Variants in GTF2I observed in about 807,000 individuals in gnomAD.
GTF2I encodes general transcription factor II-I.
In GTF2I, 12 loss-of-function variants were observed where a neutral mutation model predicts 67.6. The ratio of observed to expected loss-of-function variants is 0.18; its 90% CI spans 0.11 to 0.29. GTF2I has a LOEUF of 0.29. Among genes scored for constraint, GTF2I ranks in the 10% least tolerant of loss-of-function variants. The pLI, the probability that GTF2I is intolerant of heterozygous loss-of-function variation, is 1.00. For synonymous variants in GTF2I, 149 were observed against 197.0 expected, an observed-to-expected ratio of 0.76 and a Z score of 2.04; for missense variants, 271 against 580.1, an observed-to-expected ratio of 0.47 and a Z score of 5.47.
intron 11 of GTF2I, among the ~76,000 whole-genome samples, chr7:74,717,833 T>C (rs1240712365): frequency 1.3e-5 from 2 of 152,218 alleles, no homozygotes; most frequent in Non-Finnish European, 2.9e-5. Context: ...AATTCAATTA[T>C]AGAATTAGGG....
intron 3 of GTF2I, among the ~76,000 whole-genome samples, chr7:74,695,069 C>A (rs1315033102): frequency 6.6e-6 from 1 of 152,214 alleles, no homozygotes; most frequent in Non-Finnish European, 1.5e-5. Context: ...TGACTGCTCA[C>A]AGTCACTCAC....
At chr7:74,747,759 T>C (rs1278826577) in intron 23 of GTF2I, among the ~76,000 whole-genome samples, 1 of 31,430 alleles carries the variant, frequency 3.2e-5, no homozygotes, top group African/African-American at 1.2e-4. Context: ...GCCATTGCAC[T>C]CCAGCCTGGG....
At chr7:74,708,014 T>C (rs182790428) in intron 8 of GTF2I, among the ~76,000 whole-genome samples, 116 of 152,198 alleles carry the variant, frequency 7.6e-4, no homozygotes, top group African/African-American at 2.7e-3. Flanking sequence ...ATGTAAAGAT[T>C]GTTGGCCGGG....
chr7:74,681,719 C>T (rs1275317896), intron 1 of GTF2I, among the ~76,000 whole-genome samples: 1 of 152,160 alleles, frequency 6.6e-6, no homozygotes, highest in Non-Finnish European at 1.5e-5. Context: ...CGAGACCAGC[C>T]TGGCCAACAT....
chr7:74,685,589 A>C (rs1300702289), intron 1 of GTF2I, among the ~76,000 whole-genome samples: 1 of 152,180 alleles, frequency 6.6e-6, no homozygotes, highest in Admixed American at 6.5e-5. Flanking sequence ...CAACATGGCG[A>C]AACTCCATCT....
intron 14 of GTF2I, 123 bp from the exon 15 acceptor site, chr7:74,732,356 A>G: frequency 8.3e-7 from 1 of 1,209,174 alleles, no homozygotes; most frequent in Non-Finnish European, 1.1e-6. Flanking sequence ...CCTGGGAGAC[A>G]CAGCAAGACT....
chr7:74,659,780 T>C (rs1804305190), intron 1 of GTF2I, among the ~76,000 whole-genome samples: 1 of 152,164 alleles, frequency 6.6e-6, no homozygotes, highest in African/African-American at 2.4e-5. Context: ...TGGACTCTGG[T>C]GATCCTCCCG....
chr7:74,666,272 ATC>A (rs1359976524), intron 1 of GTF2I, among the ~76,000 whole-genome samples: 1 of 152,190 alleles, frequency 6.6e-6, no homozygotes, highest in African/African-American at 2.4e-5. Context: ...GTAGAATTTT[ATC>A]TAGATTGAGT....
intron 19 of GTF2I, among the ~76,000 whole-genome samples, chr7:74,739,061 C>T (rs1795015638): frequency 3.2e-5 from 1 of 31,286 alleles, no homozygotes; most frequent in African/African-American, 7.7e-5. Flanking sequence ...GACGGAGCCT[C>T]ACTCTGTCAT....
intron 1 of GTF2I, among the ~76,000 whole-genome samples, chr7:74,666,122 C>T (rs1358642258): frequency 2.0e-5 from 3 of 152,148 alleles, no homozygotes; most frequent in Non-Finnish European, 2.9e-5. Flanking sequence ...GGATTACAGA[C>T]GTGATCCACC....
chr7:74,660,309 T>C (rs1397613491), intron 1 of GTF2I, among the ~76,000 whole-genome samples: 2 of 145,832 alleles, frequency 1.4e-5, no homozygotes, highest in African/African-American at 5.1e-5. Flanking sequence ...CCTGCCTCAG[T>C]CTCCCCCGAG....
chr7:74,705,619 G>A (rs782648191), intron 7 of GTF2I, among the ~76,000 whole-genome samples: 7 of 150,566 alleles, frequency 4.6e-5, no homozygotes, highest in Non-Finnish European at 8.8e-5. Context: ...GTGAAGTGGC[G>A]CGATCTCGGC....
Position 74,723,123 on chromosome 7 carries a change from G to GTTT in GTF2I, c.943+4198_943+4200dup, listed in dbSNP as rs71098008. On this transcript the variant is annotated intron_variant, in intron 12 of 34. Transcript: ENST00000573035. ...ACATTGTATGTACCAGGTGCTAAGA[G>GTTT]TTTTTTTTTTTTTTTTTTGAGACGG... 2.7e-4 allele frequency among the ~76,000 whole-genome samples: 36 copies of GTTT among 132,174 alleles called. 1 individual carries two copies. The highest frequency in any genetic ancestry group is 4.8e-4 in the South Asian group (2 of 4,204). 86.7% of individuals were successfully genotyped at this position (132,174 alleles called of 152,430 possible).
intron 1 of GTF2I, among the ~76,000 whole-genome samples, chr7:74,668,747 T>C (rs1215286730): frequency 6.6e-6 from 1 of 151,592 alleles, no homozygotes; most frequent in Non-Finnish European, 1.5e-5. Context: ...CTAATTTTTG[T>C]ATTTTTAGAA....
At chr7:74,725,710 A>G (rs587640334) in intron 12 of GTF2I, among the ~76,000 whole-genome samples, 6 of 152,168 alleles carry the variant, frequency 3.9e-5, no homozygotes, top group Admixed American at 2.6e-4. Context: ...TCATCTCTAT[A>G]TATGTTCACA....
chr7:74,678,688 A>G (rs1786923194), intron 1 of GTF2I, among the ~76,000 whole-genome samples: 1 of 152,094 alleles, frequency 6.6e-6, no homozygotes, highest in Non-Finnish European at 1.5e-5. Context: ...TTGTTAAAGG[A>G]GATAGTTTGC....
chr7:74,680,079 CAAA>C (rs1225904374), intron 1 of GTF2I, among the ~76,000 whole-genome samples: 713 of 30,388 alleles, frequency 0.023, 9 homozygotes, highest in African/African-American at 0.088. Context: ...GAGTCCATCT[CAAA>C]AAAAAAAAAA....
At chr7:74,695,441 T>G (rs1003675343) in intron 3 of GTF2I, among the ~76,000 whole-genome samples, 14 of 152,202 alleles carry the variant, frequency 9.2e-5, no homozygotes, top group Non-Finnish European at 1.9e-4. Flanking sequence ...TGACTTTACT[T>G]TATACTTGTA....
intron 2 of GTF2I, 85 bp from the exon 3 acceptor site, chr7:74,690,886 AAT>A: frequency 8.2e-7 from 1 of 1,225,324 alleles, no homozygotes; most frequent in East Asian, 2.6e-5. Context: ...ACCTTTAAAA[AAT>A]GTTGTTAGTT....
Sources: gnomAD v4.1 joint callset for allele counts (sites outside exome capture counted in the v4.1 genomes callset) on GRCh38, gnomAD v4.1.1 for gene constraint, MANE v1.5 for transcripts, NCBI Gene and HGNC (gene_info 2026-07-23, HGNC 2026-07-21) for gene names.